Variants in SORCS3 observed in about 807,000 individuals in gnomAD.
The protein encoded by SORCS3 is VPS10 domain-containing receptor SorCS3.
SORCS3 carries 57 observed loss-of-function variants against 146.3 expected under a neutral mutation model. That is an observed-to-expected ratio of 0.39 (90% confidence interval 0.31 to 0.49). The LOEUF (loss-of-function observed/expected upper bound fraction) is 0.49, where lower values mean the gene tolerates loss of function less well. Among genes scored for constraint, SORCS3 ranks in the 20% least tolerant of loss-of-function variants. The probability of loss-of-function intolerance (pLI) is 0.92; values close to 1 mark genes in which losing one functional copy is unlikely to be tolerated. For synonymous variants in SORCS3, 653 were observed against 618.5 expected (o/e 1.06, Z -0.83); for missense variants, 1,341 against 1,575.5 (o/e 0.85, Z 2.52).
At chr10:104,658,259 G>A (rs1209710221) in intron 1 of SORCS3, among the ~76,000 whole-genome samples, 5 of 152,160 alleles carry the variant, frequency 3.3e-5, no homozygotes, top group African/African-American at 7.2e-5. Flanking sequence ...TCATGTCTGG[G>A]GAGAAAGGGC....
At chr10:104,678,802 C>G (rs896488352) in intron 1 of SORCS3, among the ~76,000 whole-genome samples, 1 of 152,094 alleles carries the variant, frequency 6.6e-6, no homozygotes, top group African/African-American at 2.4e-5. Flanking sequence ...AGGAACATGC[C>G]CATCACAAAG....
chr10:105,085,818 A>ATG (rs918448595), intron 5 of SORCS3, among the ~76,000 whole-genome samples: 1 of 152,006 alleles, frequency 6.6e-6, no homozygotes, highest in Non-Finnish European at 1.5e-5. Context: ...CTCTAGATGT[A>ATG]TGTGTGTGTG....
chr10:104,998,576 A>G (rs1023735548), intron 4 of SORCS3, among the ~76,000 whole-genome samples: 1 of 152,050 alleles, frequency 6.6e-6, no homozygotes, highest in African/African-American at 2.4e-5. Context: ...CTTCTTTGCT[A>G]CTTTGAATTT....
At chr10:104,924,690 A>G (rs2019121526) in intron 3 of SORCS3, among the ~76,000 whole-genome samples, 2 of 152,148 alleles carry the variant, frequency 1.3e-5, no homozygotes, top group South Asian at 4.1e-4. Context: ...TCTGTTAACT[A>G]CCTGTATGGC....
At chr10:105,157,101 C>G in intron 9 of SORCS3, 37 bp from the exon 10 acceptor site, 1 of 1,609,300 alleles carries the variant, frequency 6.2e-7, no homozygotes, top group Non-Finnish European at 8.5e-7. Flanking sequence ...GGCATGTTGG[C>G]CCAGCATGGT....
rs563331569 is a variant in SORCS3 at position 104,976,438 on chromosome 10, T to C, written c.796-897T>C. Among the ~76,000 whole-genome samples, 7 of 152,202 alleles carry C rather than the reference T, an allele frequency of 4.6e-5. No individual in the cohort carries two copies. The East Asian group carries it at 1.2e-3, about 25-fold the overall frequency. ...AGGTGCTGGAGAGGATGTGGAGAAATAGGAACACTTTTACACTGTTGGGGG... is the reference window on the plus strand; with the variant it reads ...AGGTGCTGGAGAGGATGTGGAGAAACAGGAACACTTTTACACTGTTGGGGG... On this transcript the variant is annotated intron_variant, in intron 3 of 26. Transcript: ENST00000369701.
At chr10:105,136,011 T>C (rs1392233338) in intron 7 of SORCS3, among the ~76,000 whole-genome samples, 8 of 152,212 alleles carry the variant, frequency 5.3e-5, no homozygotes. Flanking sequence ...TTTTTTCTAG[T>C]ATTCACTTCA....
Position 104,641,348 on chromosome 10 carries a change from G to A in SORCS3, c.21G>A (p.Glu7=), listed in dbSNP as rs1388748366. MEAART[E]RPAGRPGAPL... ...GCGGGATGGAGGCGGCGCGCACGGA[G>A]CGCCCCGCAGGCAGGCCGGGGGCGC... is the stretch of plus-strand genomic sequence containing the variant. Residue 7 remains glutamate, a synonymous_variant, in exon 1 of 27, where the codon GAG becomes GAA. Transcript: ENST00000369701. This position sits in a 1 kb window ranked among gnomAD's most constrained non-coding sequence, Gnocchi z 6.4. 9 of 1,363,572 alleles carry A rather than the reference G, an allele frequency of 6.6e-6. No homozygotes were observed. Among genetic ancestry groups the A allele is most frequent in the Non-Finnish European group, 8.5e-6 (9 of 1,062,910 alleles). 84.5% of individuals were successfully genotyped at this position (1,363,572 alleles called of 1,614,324 possible).
At chr10:105,051,628 C>G (rs1400360687) in intron 5 of SORCS3, among the ~76,000 whole-genome samples, 3 of 151,998 alleles carry the variant, frequency 2.0e-5, no homozygotes, top group Non-Finnish European at 4.4e-5. Context: ...AAGATCTTTT[C>G]AAACAAAGTT....
intron 1 of SORCS3, among the ~76,000 whole-genome samples, chr10:104,804,833 C>T (rs1589505551): frequency 6.6e-6 from 1 of 152,188 alleles, no homozygotes; most frequent in Non-Finnish European, 1.5e-5. Context: ...ACTGGAAAGA[C>T]TGGTGATGGA....
intron 13 of SORCS3, among the ~76,000 whole-genome samples, chr10:105,170,782 T>G (rs1226737223): frequency 1.3e-5 from 2 of 152,204 alleles, no homozygotes; most frequent in Admixed American, 1.3e-4. Flanking sequence ...TTTCAAAGGC[T>G]AAGTGAGTGT....
chr10:105,112,557 A>T (rs750646269), intron 7 of SORCS3, among the ~76,000 whole-genome samples: 3 of 152,152 alleles, frequency 2.0e-5, no homozygotes, highest in Non-Finnish European at 2.9e-5. Flanking sequence ...TGAGCACAGT[A>T]TCAGGGCATC....
chr10:105,173,817 T>C (rs1589671419), intron 13 of SORCS3, among the ~76,000 whole-genome samples: 2 of 152,342 alleles, frequency 1.3e-5, no homozygotes, highest in South Asian at 4.1e-4. Context: ...TTTTTCATAT[T>C]AGACCTTTCC....
At chr10:104,794,182 T>A (rs1360461320) in intron 1 of SORCS3, among the ~76,000 whole-genome samples, 1 of 152,190 alleles carries the variant, frequency 6.6e-6, no homozygotes, top group Non-Finnish European at 1.5e-5. Context: ...GCAGTCACGA[T>A]TCCAAATACT....
intron 1 of SORCS3, among the ~76,000 whole-genome samples, chr10:104,708,615 T>A (rs2016374917): frequency 6.6e-6 from 1 of 152,188 alleles, no homozygotes; most frequent in African/African-American, 2.4e-5. Context: ...GCTGGGGAGT[T>A]GGGTCATAAA....
chr10:105,046,858 G>C (rs1044546481), intron 5 of SORCS3, among the ~76,000 whole-genome samples: 1 of 152,000 alleles, frequency 6.6e-6, no homozygotes, highest in South Asian at 2.1e-4. Flanking sequence ...CTGGTCACCA[G>C]GTAATCACCA....
chr10:104,761,293 G>A (rs1168714600), intron 1 of SORCS3, among the ~76,000 whole-genome samples: 1 of 152,156 alleles, frequency 6.6e-6, no homozygotes, highest in Non-Finnish European at 1.5e-5. Flanking sequence ...AGTCAGCAGA[G>A]GCACTGTATG....
At chr10:104,817,873 C>T (rs1023344744) in intron 1 of SORCS3, among the ~76,000 whole-genome samples, 10 of 151,514 alleles carry the variant, frequency 6.6e-5, no homozygotes, top group African/African-American at 2.2e-4. Context: ...TCAAAGTCCA[C>T]GTGCTTTCTG....
chr10:105,099,232 G>A (rs888553513), intron 6 of SORCS3, among the ~76,000 whole-genome samples: 53 of 152,230 alleles, frequency 3.5e-4, no homozygotes, highest in African/African-American at 1.3e-3. Flanking sequence ...TCATTTGAGA[G>A]TTAATGTTAC....
Sources: allele counts gnomAD v4.1 joint callset (sites outside exome capture counted in the v4.1 genomes callset), GRCh38; gene constraint gnomAD v4.1.1; non-coding constraint Gnocchi (gnomAD v3.1); transcripts MANE v1.5; gene names NCBI Gene and HGNC (gene_info 2026-07-23, HGNC 2026-07-21).